The following TULP1 variants were observed in gnomAD, a reference collection of about 807,000 sequenced individuals.
TULP1 encodes the protein tubby-related protein 1.
Under a neutral mutation model 67.1 loss-of-function variants are expected in TULP1, and 50 were observed. The observed-to-expected ratio is 0.75, with a 90% confidence interval of 0.59 to 0.94. The LOEUF is 0.94. Ranked by LOEUF, TULP1 falls within the 40% of genes least tolerant of loss-of-function variation. TULP1 has a pLI of 0.00. For synonymous variants in TULP1, 297 were observed against 294.0 expected, an observed-to-expected ratio of 1.01 and a Z score of -0.11; for missense variants, 746 against 734.1, an observed-to-expected ratio of 1.02 and a Z score of -0.19.
intron 13 of TULP1, among the ~76,000 whole-genome samples, chr6:35,500,796 C>G (rs752077494): frequency 6.6e-6 from 1 of 152,054 alleles, no homozygotes; most frequent in Non-Finnish European, 1.5e-5. Context: ...AAGAGAGACC[C>G]GAAACAGCAC....
chr6:35,501,617 A>G (rs1473641276), intron 13 of TULP1, among the ~76,000 whole-genome samples: 3 of 142,136 alleles, frequency 2.1e-5, no homozygotes, highest in African/African-American at 9.2e-5. Flanking sequence ...TTCAAGACCA[A>G]CCTGGCCATC....
In TULP1 at chr6:35,498,434, GGCCGAACTGCA is replaced by G. The variant is rs1581734819; in HGVS notation, c.1511_1521del (p.Leu504ProfsTer141). 1 of 1,613,956 alleles carries G rather than the reference GGCCGAACTGCA, an allele frequency of 6.2e-7. No individual in the cohort carries two copies. The highest frequency in any genetic ancestry group is 1.1e-5 in the South Asian group (1 of 91,080). On this transcript the variant is annotated frameshift_variant, in exon 15 of 15. Transcript: ENST00000229771. LOFTEE classifies it high-confidence loss of function. The surrounding 1 kb of genome is among the most constrained non-coding windows in gnomAD (Gnocchi z 6.7). The stretch of plus-strand genomic sequence containing the variant: ...AGGGTGAAGGCGTCCTCCGCCACGC[GGCCGAACTGCA>G]GCACGATATAGTCGGCTATGGACAC...
chr6:35,505,711 T>TC lies in TULP1; in HGVS notation c.1112+29dup, dbSNP rs955383505. 3.7e-6 allele frequency: 6 copies of TC among 1,611,714 alleles called. No individual in the cohort carries two copies. The Admixed American group carries it at 5.0e-5, about 14-fold the overall frequency. On this transcript the variant is annotated intron_variant, in intron 11 of 14. Coordinates refer to ENST00000229771, the MANE Select transcript of TULP1 (RefSeq NM_003322.6). ...GGCTATGGCCTTTTGCTGACCCAAG[T>TC]CCCCCCAGCCCCAGGAAGCCCAGCC...
chr6:35,510,967 C>A lies in TULP1; in HGVS notation c.393G>T (p.Glu131Asp), dbSNP rs1294868559. ...EEEDEEDEEE[E>D]AEEKKEKILL... ...GGATTTTCTCTTTCTTTTCCTCTGCCTCCTCTTCCTCGTCCTCCTCGTCCT... is the reference window on the plus strand; with the variant it reads ...GGATTTTCTCTTTCTTTTCCTCTGCATCCTCTTCCTCGTCCTCCTCGTCCT... The change falls in exon 5 of 15, where the codon GAG becomes GAT. Residue 131 changes from glutamate (E) to aspartate (D), a missense_variant. Around this residue, in one of 3 missense-constraint regions of TULP1, gnomAD observed 359 missense variants for 341.9 expected, o/e 1.05. Coordinates refer to ENST00000229771, the MANE Select transcript of TULP1 (RefSeq NM_003322.6). 3.7e-6 allele frequency: 6 copies of A among 1,603,412 alleles called. No individual in the cohort carries two copies. Among genetic ancestry groups the A allele is most frequent in the Non-Finnish European group, 5.1e-6 (6 of 1,173,760 alleles).
Position 35,503,960 on chromosome 6 carries a change from G to A in TULP1, c.1113-112C>T. ...GAGCTTCCTACAAGGGTGGGGGTGAGTTAGGACTGAGCAATTCATGTCCCC... is the reference window on the plus strand; with the variant it reads ...GAGCTTCCTACAAGGGTGGGGGTGAATTAGGACTGAGCAATTCATGTCCCC... On this transcript the variant is annotated intron_variant, in intron 11 of 14. Coordinates refer to ENST00000229771, the MANE Select transcript of TULP1 (RefSeq NM_003322.6). The surrounding 1 kb of genome is among the most constrained non-coding windows in gnomAD (Gnocchi z 4.0). 2.5e-6 allele frequency: 2 copies of A among 789,168 alleles called. No homozygotes were observed. The highest frequency in any genetic ancestry group is 2.1e-6 in the Non-Finnish European group (1 of 479,152). The allele number at this position is 789,168 out of a possible 1,614,324, so 48.9% of individuals were successfully genotyped here. A position where few individuals can be genotyped will look rare whatever the true frequency, so the allele number is the denominator to read the frequency against.
Position 35,500,143 on chromosome 6 carries a change from C to A in TULP1, c.1333G>T (p.Gly445Cys). ...VPIRPRNASD[G>C]LLVRWQNKTL... ...TTGTTCTGCCAGCGCACCAGCAGGCCGTCACTAGCCTGGGGTGCCCCAGGG... is the reference window on the plus strand; with the variant it reads ...TTGTTCTGCCAGCGCACCAGCAGGCAGTCACTAGCCTGGGGTGCCCCAGGG... The change falls in exon 14 of 15, where the codon GGC becomes TGC. Residue 445 changes from glycine (G) to cysteine (C), a missense_variant. This residue lies in a region of TULP1 where 383 missense variants were observed against 374.1 expected (regional missense o/e 1.02). Coordinates refer to ENST00000229771, the MANE Select transcript of TULP1 (RefSeq NM_003322.6). 1 of 1,614,012 alleles carries A rather than the reference C, an allele frequency of 6.2e-7. No homozygotes were observed.
chr6:35,512,863 C>G lies in TULP1; in HGVS notation c.-5G>C, dbSNP rs757153641. The G allele has an allele frequency of 2.4e-5, 38 of 1,612,416 alleles. No homozygotes were observed. Among genetic ancestry groups the G allele is most frequent in the Non-Finnish European group, 3.1e-5 (37 of 1,180,004 alleles). On this transcript the variant is annotated 5_prime_UTR_variant, in exon 1 of 15. Transcript: ENST00000229771. ...GGTTTCATCCCGCAGAGGCATGGTG[C>G]CTTTGCCTATCGCACCCCTTTCTCT...
intron 2 of TULP1, 54 bp from the exon 3 acceptor site, chr6:35,512,324 C>T (rs1761227658): frequency 1.1e-6 from 1 of 894,206 alleles, no homozygotes; most frequent in Non-Finnish European, 1.6e-6. Context: ...GCGCTGAGGC[C>T]CGCCCATCCC....
intron 8 of TULP1, 79 bp from the exon 9 acceptor site, chr6:35,506,358 C>T (rs1761088791): frequency 6.5e-7 from 1 of 1,537,432 alleles, no homozygotes; most frequent in African/African-American, 1.4e-5. Context: ...GCCCCTCATG[C>T]TCCCTGGCAG....
At chr6:35,504,144 G>A (rs1395270070) in intron 11 of TULP1, 4 of 350,516 alleles carry the variant, frequency 1.1e-5, no homozygotes, top group Admixed American at 4.1e-5. Flanking sequence ...GGCAGACAAC[G>A]CTGTCTCTAC....
In TULP1 at chr6:35,503,902, C is replaced by T; in HGVS notation, c.1113-54G>A. The T allele has an allele frequency of 1.4e-6, 2 of 1,408,426 alleles. No homozygotes were observed. Among genetic ancestry groups the T allele is most frequent in the Non-Finnish European group, 9.8e-7 (1 of 1,024,540 alleles). 87.2% of individuals were successfully genotyped at this position (1,408,426 alleles called of 1,614,324 possible). A position where few individuals can be genotyped will look rare whatever the true frequency, so the allele number is the denominator to read the frequency against. On this transcript the variant is annotated intron_variant, in intron 11 of 14. Transcript: ENST00000229771. This position sits in a 1 kb window ranked among gnomAD's most constrained non-coding sequence, Gnocchi z 4.0. ...GCTGAGGGGATCCTACATCCCTGCC[C>T]CAGGCCCCTTCCACACAGCCAAGCA... is the stretch of plus-strand genomic sequence containing the variant.
rs538406675 is a variant in TULP1 at position 35,503,222 on chromosome 6, G to C, written c.1323+337C>G. 1.3e-5 allele frequency among the ~76,000 whole-genome samples: 2 copies of C among 152,312 alleles called. No individual in the cohort carries two copies. The highest frequency in any genetic ancestry group is 4.1e-4 in the South Asian group (2 of 4,830). On this transcript the variant is annotated intron_variant, in intron 13 of 14. Coordinates refer to ENST00000229771, the MANE Select transcript of TULP1 (RefSeq NM_003322.6). The surrounding 1 kb of genome is among the most constrained non-coding windows in gnomAD (Gnocchi z 4.0). The stretch of plus-strand genomic sequence containing the variant: ...CAAAGTGCTGGGATTACAGGCGTGA[G>C]CCACCGCGCCCGGCCCAGGGGTGCA...
chr6:35,501,703 T>C (rs184979584), intron 13 of TULP1, among the ~76,000 whole-genome samples: 146 of 151,904 alleles, frequency 9.6e-4, no homozygotes, highest in African/African-American at 3.0e-3. Flanking sequence ...TCCCAGCTAC[T>C]CGGGAGGCTG....
Position 35,506,031 on chromosome 6 carries a change from T to G in TULP1, c.971A>C (p.Tyr324Ser), listed in dbSNP as rs749776323. Residue 324 changes from tyrosine (Y) to serine (S), a missense_variant, in exon 10 of 15, where the codon TAC becomes TCC. Physicochemically the swap from Tyr to Ser is moderately radical, Grantham distance 144. Around this residue, in one of 3 missense-constraint regions of TULP1, gnomAD observed 383 missense variants for 374.1 expected, o/e 1.02. Transcript: ENST00000229771. ...CTTCTCCGTGTCCAGGTGCAGGAAG[T>G]AGGAGGGATACATGCCTCGATCCAT... ...KGMDRGMYPS[Y>S]FLHLDTEKKV... is the part of the protein sequence containing the mutation. The G allele has an allele frequency of 1.9e-6, 3 of 1,613,746 alleles. No homozygotes were observed. Among genetic ancestry groups the G allele is most frequent in the Admixed American group, 3.3e-5 (2 of 60,002 alleles).
chr6:35,511,071 C>T (rs1262361010), intron 4 of TULP1, 61 bp from the exon 5 acceptor site: 1 of 1,596,214 alleles, frequency 6.3e-7, no homozygotes, highest in African/African-American at 1.3e-5. Flanking sequence ...CTGGGGAGCC[C>T]AGTTCCTCCA....
intron 8 of TULP1, among the ~76,000 whole-genome samples, chr6:35,507,012 C>T (rs1237666972): frequency 6.6e-6 from 1 of 152,036 alleles, no homozygotes; most frequent in Admixed American, 6.6e-5. Context: ...TCCTTGTCTC[C>T]TGGTATTTGT....
At position 35,512,222 on chromosome 6, in the gene TULP1, C is replaced by T. The variant is rs1761223760; in HGVS notation, c.148G>A (p.Glu50Lys). 7.3e-7 allele frequency: 1 copy of T among 1,368,672 alleles called. No homozygotes were observed. The highest frequency in any genetic ancestry group is 9.4e-7 in the Non-Finnish European group (1 of 1,060,400). The allele number at this position is 1,368,672 out of a possible 1,614,324, so 84.8% of individuals were successfully genotyped here. A position where few individuals can be genotyped will look rare whatever the true frequency, so the allele number is the denominator to read the frequency against. ...RLRKKRTEAP[E>K]SPCPTGSKPR... Reference sequence around the variant, plus strand: ...TTGGATCCCGTGGGGCAGGGGGATTCGGGGGCCTCCGTCCTCTTCTTCCTT... The same window carrying T: ...TTGGATCCCGTGGGGCAGGGGGATTTGGGGGCCTCCGTCCTCTTCTTCCTT... The change falls in exon 3 of 15, where the codon GAA (glutamate) becomes AAA (lysine). Residue 50 changes from glutamate to lysine, a missense_variant. Physicochemically the swap from Glu to Lys is moderately conservative, Grantham distance 56. Transcript: ENST00000229771.
chr6:35,498,497 C>T lies in TULP1; in HGVS notation c.1496-37G>A, dbSNP rs1170784333. ...AGACGGGGTGGGGGCGGCCCGAGAC[C>T]TCCTTGGACCCCCATCCTGGCAGAC... On this transcript the variant is annotated intron_variant, in intron 14 of 14. Transcript: ENST00000229771. The surrounding 1 kb of genome is among the most constrained non-coding windows in gnomAD (Gnocchi z 6.7). 2 of 1,612,306 alleles carry T rather than the reference C, an allele frequency of 1.2e-6. No individual in the cohort carries two copies. The highest frequency in any genetic ancestry group is 2.7e-5 in the African/African-American group (2 of 75,040).
rs147382866 is a variant in TULP1 at position 35,509,772 on chromosome 6, C to T, written c.602-22G>A. On this transcript the variant is annotated intron_variant, in intron 6 of 14. Coordinates refer to ENST00000229771, the MANE Select transcript of TULP1 (RefSeq NM_003322.6). ...GACCCTGCATGTGTGGATGTGAAAG[C>T]GTCACAACCCCCACCGCAACTGGAG... 19 of 1,613,758 alleles carry T rather than the reference C, an allele frequency of 1.2e-5. 1 individual carries two copies. Among genetic ancestry groups the T allele is most frequent in the South Asian group, 6.6e-5 (6 of 91,076 alleles).
Sources: gnomAD v4.1 joint callset for allele counts (sites outside exome capture counted in the v4.1 genomes callset) on GRCh38, gnomAD v4.1.1 for gene constraint, gnomAD v4.1.1 regional missense constraint, Gnocchi (gnomAD v3.1) non-coding constraint, MANE v1.5 for transcripts, NCBI Gene and HGNC (gene_info 2026-07-23, HGNC 2026-07-21) for gene names.